The following CDIP1 variants were observed in gnomAD, a reference collection of about 807,000 sequenced individuals.
The protein encoded by CDIP1 is cell death-inducing p53-target protein 1.
CDIP1 carries 9 observed loss-of-function variants against 17.7 expected under a neutral mutation model. The observed-to-expected ratio is 0.51, with a 90% CI of 0.31 to 0.89. The LOEUF is 0.89. Ranked by LOEUF, CDIP1 falls within the 40% of genes least tolerant of loss-of-function variation. The pLI is 0.05. For missense variants in CDIP1, 263 were observed against 277.9 expected, an observed-to-expected ratio of 0.95 and a Z score of 0.38; for synonymous variants, 117 against 109.5, an observed-to-expected ratio of 1.07 and a Z score of -0.43.
chr16:4,512,984 G>A lies in CDIP1; in HGVS notation c.322C>T (p.Pro108Ser), dbSNP rs773116696. 7 of 1,589,474 alleles carry A rather than the reference G, an allele frequency of 4.4e-6. No homozygotes were observed. In the South Asian group the frequency reaches 5.7e-5, roughly 13 times the overall value. ...GPYTPGPYPG[P>S]GGHTATVLVP... ...AGGACTGTGGCTGTGTGGCCCCCAG[G>A]GCCAGGGTAGGGCCCTGGCGTGTAG... The change falls in exon 5 of 6, where the codon CCT (proline) becomes TCT (serine). Residue 108 changes from proline (P) to serine (S), a missense_variant. Coordinates refer to ENST00000567695, the MANE Select transcript of CDIP1 (RefSeq NM_013399.3). This position sits in a 1 kb window ranked among gnomAD's most constrained non-coding sequence, Gnocchi z 4.6.
intron 1 of CDIP1, among the ~76,000 whole-genome samples, chr16:4,520,083 G>C (rs889974662): frequency 6.6e-6 from 1 of 151,426 alleles, no homozygotes; most frequent in African/African-American, 2.4e-5. Flanking sequence ...AAGCACAATG[G>C]ACTAATACTA....
At chr16:4,524,831 C>T (rs1036688301) in intron 1 of CDIP1, among the ~76,000 whole-genome samples, 2 of 152,220 alleles carry the variant, frequency 1.3e-5, no homozygotes, top group African/African-American at 2.4e-5. Flanking sequence ...CAGACAGGTG[C>T]AGTGGCTCAC....
In CDIP1 at chr16:4,514,742, G is replaced by C. The variant is rs1408469823; in HGVS notation, c.-104-78C>G. 1 of 152,726 alleles carries C rather than the reference G, an allele frequency of 6.5e-6. No individual in the cohort carries two copies. The highest frequency in any genetic ancestry group is 1.5e-5 in the Non-Finnish European group (1 of 68,454). 9.5% of individuals were successfully genotyped at this position (152,726 alleles called of 1,614,324 possible). A position where few individuals can be genotyped will look rare whatever the true frequency, so the allele number is the denominator to read the frequency against. ...AGCCAGGGCTGGGCCCAGGGGCCTG[G>C]GCATACCACACAGTTCCTCCCCTTC... On this transcript the variant is annotated intron_variant, in intron 1 of 5. Coordinates refer to ENST00000567695, the MANE Select transcript of CDIP1 (RefSeq NM_013399.3). The surrounding 1 kb of genome is among the most constrained non-coding windows in gnomAD (Gnocchi z 5.2).
chr16:4,534,672 G>A (rs1403311106), intron 1 of CDIP1, among the ~76,000 whole-genome samples: 1 of 151,048 alleles, frequency 6.6e-6, no homozygotes, highest in Non-Finnish European at 1.5e-5. Context: ...CCCAGCCTGT[G>A]AGGCCGCTGT....
intron 1 of CDIP1, among the ~76,000 whole-genome samples, chr16:4,537,307 G>A (rs949745595): frequency 2.6e-5 from 4 of 152,164 alleles, no homozygotes; most frequent in African/African-American, 7.2e-5. Flanking sequence ...TTCAACTTTT[G>A]TATGTTTCAC....
rs139422805 is a variant in CDIP1 at position 4,521,119 on chromosome 16, G to A, written c.-104-6455C>T. Among the ~76,000 whole-genome samples the A allele has an allele frequency of 9.0e-3, 1,367 of 152,240 alleles. 8 individuals carry two copies. Among genetic ancestry groups the A allele is most frequent in the Middle Eastern group, 0.02 (6 of 294 alleles). ...GTGTGTGTGTGTGTGTACTGTGTGTGTGGTGGTGAAGACTCAATTACAACA... is the reference window on the plus strand; with the variant it reads ...GTGTGTGTGTGTGTGTACTGTGTGTATGGTGGTGAAGACTCAATTACAACA... On this transcript the variant is annotated intron_variant, in intron 1 of 5. Coordinates refer to ENST00000567695, the MANE Select transcript of CDIP1 (RefSeq NM_013399.3).
At chr16:4,528,666 G>A (rs1477370423) in intron 1 of CDIP1, among the ~76,000 whole-genome samples, 2 of 143,676 alleles carry the variant, frequency 1.4e-5, no homozygotes, top group Non-Finnish European at 3.0e-5. Context: ...GGACAACAGT[G>A]GGGAAGAACC....
rs928274502 is a variant in CDIP1 at position 4,511,139 on chromosome 16, C to T, written c.*1433G>A. Reference sequence around the variant, plus strand: ...GGAAATCCCAGGGCTGGTCTACACCCGACTCTGGTTTGGTTTAATTAGGTC... The same window carrying T: ...GGAAATCCCAGGGCTGGTCTACACCTGACTCTGGTTTGGTTTAATTAGGTC... On this transcript the variant is annotated 3_prime_UTR_variant, in exon 6 of 6. Transcript: ENST00000567695. 1 of 152,364 alleles carries T rather than the reference C, an allele frequency of 6.6e-6. No individual in the cohort carries two copies. Among genetic ancestry groups the T allele is most frequent in the Non-Finnish European group, 1.5e-5 (1 of 68,066 alleles). 9.4% of individuals were successfully genotyped at this position (152,364 alleles called of 1,614,324 possible). A position where few individuals can be genotyped will look rare whatever the true frequency, so the allele number is the denominator to read the frequency against.
chr16:4,524,127 C>G (rs1299254975), intron 1 of CDIP1: 1 of 152,344 alleles, frequency 6.6e-6, no homozygotes, highest in African/African-American at 2.4e-5. Flanking sequence ...CAGCCCTAGA[C>G]AAATTCCTCA....
rs985994270 is a variant in CDIP1 at position 4,514,964 on chromosome 16, G to C, written c.-104-300C>G. On this transcript the variant is annotated intron_variant, in intron 1 of 5. Coordinates refer to ENST00000567695, the MANE Select transcript of CDIP1 (RefSeq NM_013399.3). The surrounding 1 kb of genome is among the most constrained non-coding windows in gnomAD (Gnocchi z 5.2). ...AGGACTGGACTGCCAGGCAAGCTGT[G>C]CTCTGGCCTGTGCCCTTCTGGTTTG... 13 of 152,442 alleles carry C rather than the reference G, an allele frequency of 8.5e-5. No homozygotes were observed. The highest frequency in any genetic ancestry group is 3.1e-4 in the African/African-American group (13 of 41,464). The allele number at this position is 152,442 out of a possible 1,614,324, so 9.4% of individuals were successfully genotyped here.
intron 1 of CDIP1, among the ~76,000 whole-genome samples, chr16:4,532,026 G>A (rs1004605801): frequency 6.6e-6 from 1 of 152,220 alleles, no homozygotes; most frequent in South Asian, 2.1e-4. Flanking sequence ...GCAATTCAAG[G>A]ACTTTAGAGG....
intron 1 of CDIP1, among the ~76,000 whole-genome samples, chr16:4,517,032 C>T (rs2058895512): frequency 6.6e-6 from 1 of 152,110 alleles, no homozygotes; most frequent in Admixed American, 6.6e-5. Flanking sequence ...CCTATTAAGA[C>T]ATTTAGGCAA....
chr16:4,513,863 G>T lies in CDIP1; in HGVS notation c.86-12C>A. ...TGGGGAGGAACGGCCTGGACAGAGA[G>T]AGGCAGAAAGAGGAGACTGAGCTGG... On this transcript the variant is annotated splice_polypyrimidine_tract_variant and intron_variant, in intron 3 of 5. Transcript: ENST00000567695. This position sits in a 1 kb window ranked among gnomAD's most constrained non-coding sequence, Gnocchi z 4.1. 6.5e-7 allele frequency: 1 copy of T among 1,546,648 alleles called. No individual in the cohort carries two copies. The highest frequency in any genetic ancestry group is 1.4e-5 in the African/African-American group (1 of 72,702).
Position 4,514,491 on chromosome 16 carries a change from G to A in CDIP1, c.-15+84C>T, listed in dbSNP as rs767101041. On this transcript the variant is annotated intron_variant, in intron 2 of 5. Transcript: ENST00000567695. This position sits in a 1 kb window ranked among gnomAD's most constrained non-coding sequence, Gnocchi z 5.2. The stretch of plus-strand genomic sequence containing the variant: ...GCTCTCCCCTCCCCAAACGTTTAGC[G>A]GGCACTAAGGCAGTCGGAGGAGACA... 4.4e-5 allele frequency: 11 copies of A among 252,804 alleles called. No homozygotes were observed. Among genetic ancestry groups the A allele is most frequent in the African/African-American group, 2.2e-4 (10 of 44,462 alleles). 15.7% of individuals were successfully genotyped at this position (252,804 alleles called of 1,614,324 possible).
Position 4,513,657 on chromosome 16 carries a change from G to A in CDIP1, c.241+39C>T. On this transcript the variant is annotated intron_variant, in intron 4 of 5. Transcript: ENST00000567695. This position sits in a 1 kb window ranked among gnomAD's most constrained non-coding sequence, Gnocchi z 4.1. ...CCAGCGCAGGCCAGACAGCAGCCAG[G>A]AGTTCCCCATGCTCCCCTCAGATCC... 4.4e-6 allele frequency: 7 copies of A among 1,583,412 alleles called. No homozygotes were observed. Among genetic ancestry groups the A allele is most frequent in the Non-Finnish European group, 6.0e-6 (7 of 1,158,240 alleles).
intron 1 of CDIP1, among the ~76,000 whole-genome samples, chr16:4,534,546 G>A (rs2059087000): frequency 6.6e-6 from 1 of 152,152 alleles, no homozygotes; most frequent in African/African-American, 2.4e-5. Context: ...TAGACACTCT[G>A]GCTGCTGCCT....
intron 1 of CDIP1, among the ~76,000 whole-genome samples, chr16:4,521,938 A>C (rs2058954284): frequency 6.6e-6 from 1 of 152,174 alleles, no homozygotes; most frequent in South Asian, 2.1e-4. Flanking sequence ...AAATAAATGG[A>C]AACTGCTATT....
intron 1 of CDIP1, among the ~76,000 whole-genome samples, chr16:4,531,859 G>A (rs909936830): frequency 5.9e-5 from 9 of 152,210 alleles, no homozygotes; most frequent in East Asian, 1.9e-4. Flanking sequence ...CTTCACATGC[G>A]TTCCATTTAC....
intron 1 of CDIP1, among the ~76,000 whole-genome samples, chr16:4,515,566 C>G (rs1347525332): frequency 2.0e-5 from 3 of 152,074 alleles, no homozygotes; most frequent in Admixed American, 2.0e-4. Context: ...TTAAGAAATA[C>G]AAAGAACTCA....
Sources: allele counts gnomAD v4.1 joint callset (sites outside exome capture counted in the v4.1 genomes callset), GRCh38; gene constraint gnomAD v4.1.1; non-coding constraint Gnocchi (gnomAD v3.1); transcripts MANE v1.5; gene names NCBI Gene and HGNC (gene_info 2026-07-23, HGNC 2026-07-21).